The following SYNE2 variants were observed in gnomAD, a reference collection of about 807,000 sequenced individuals.
SYNE2 encodes the protein spectrin repeat containing nuclear envelope protein 2.
In SYNE2, 431 loss-of-function variants were observed where a neutral mutation model predicts 856.3. The ratio of observed to expected loss-of-function variants is 0.50; its 90% CI spans 0.47 to 0.55. SYNE2 has a LOEUF of 0.55. Among genes scored for constraint, SYNE2 ranks in the 20% least tolerant of loss-of-function variants. SYNE2 has a pLI of 0.00. For synonymous variants in SYNE2, 2,923 were observed against 2,872.3 expected, an observed-to-expected ratio of 1.02 and a Z score of -0.56; for missense variants, 8,129 against 8,023.2, an observed-to-expected ratio of 1.01 and a Z score of -0.50.
chr14:64,116,193 AAGGG>A (rs535818668), intron 66 of SYNE2, among the ~76,000 whole-genome samples: 26 of 140,346 alleles, frequency 1.9e-4, no homozygotes, highest in South Asian at 5.4e-4. Context: ...GAAAGGAAAG[AAGGG>A]AGGGAGGGAG....
At chr14:64,072,397 C>A (rs533478230) in intron 52 of SYNE2, among the ~76,000 whole-genome samples, 1 of 152,346 alleles carries the variant, frequency 6.6e-6, no homozygotes, top group East Asian at 1.9e-4. Context: ...CACTATCCAC[C>A]CGGAGACAGC....
intron 1 of SYNE2, among the ~76,000 whole-genome samples, chr14:63,861,334 G>A (rs1446463918): frequency 6.6e-6 from 1 of 151,634 alleles, no homozygotes; most frequent in Non-Finnish European, 1.5e-5. Context: ...TAGTAGAGAC[G>A]GGGTTTCACC....
At chr14:64,224,181 C>CAAAAAAAAAAAAAAAAAAA (rs35804232) in intron 113 of SYNE2, among the ~76,000 whole-genome samples, 1 of 74,748 alleles carries the variant, frequency 1.3e-5, no homozygotes, top group Non-Finnish European at 2.5e-5. Flanking sequence ...CCCGTCTCTG[C>CAAAAAAAAAAAAAAAAAAA]AAAAAAAAAA....
intron 66 of SYNE2, 135 bp from the exon 67 acceptor site, chr14:64,119,292 C>T: frequency 1.7e-6 from 2 of 1,179,280 alleles, no homozygotes; most frequent in Non-Finnish European, 2.4e-6. Context: ...TTTGTTTTTC[C>T]AGGGTTTCTT....
intron 6 of SYNE2, among the ~76,000 whole-genome samples, chr14:63,942,817 G>C (rs962582541): frequency 2.6e-5 from 4 of 152,134 alleles, no homozygotes; most frequent in Non-Finnish European, 4.4e-5. Flanking sequence ...ATTTTGTAGA[G>C]ATGGGGTTTC....
intron 48 of SYNE2, among the ~76,000 whole-genome samples, chr14:64,055,285 A>C (rs912137297): frequency 6.6e-6 from 1 of 152,286 alleles, no homozygotes; most frequent in African/African-American, 2.4e-5. Flanking sequence ...AGAGTTCCAA[A>C]GCAGGAAGAT....
At chr14:63,846,186 C>T (rs1188414336) in intron 1 of SYNE2, among the ~76,000 whole-genome samples, 1 of 151,726 alleles carries the variant, frequency 6.6e-6, no homozygotes, top group South Asian at 2.1e-4. Context: ...GGAGCTGGGA[C>T]CTCAGGCACG....
At chr14:64,021,284 T>C in intron 35 of SYNE2, 31 bp from the exon 36 acceptor site, 1 of 1,552,256 alleles carries the variant, frequency 6.4e-7, no homozygotes, top group Non-Finnish European at 8.9e-7. Flanking sequence ...ATAATGACTG[T>C]TATACAACTT....
chr14:63,802,511 G>A (rs931836671), intron 1 of SYNE2, among the ~76,000 whole-genome samples: 1 of 152,166 alleles, frequency 6.6e-6, no homozygotes, highest in African/African-American at 2.4e-5. Context: ...AATTAGCTAA[G>A]GCTTTGGTTG....
At chr14:64,195,072 C>T (rs1256789431) in intron 99 of SYNE2, among the ~76,000 whole-genome samples, 1 of 152,136 alleles carries the variant, frequency 6.6e-6, no homozygotes, top group Non-Finnish European at 1.5e-5. Context: ...TGGCAGGTTG[C>T]ACATCTTGAT....
chr14:64,151,198 G>T (rs1309447440), intron 84 of SYNE2, among the ~76,000 whole-genome samples: 5 of 151,832 alleles, frequency 3.3e-5, no homozygotes, highest in Non-Finnish European at 7.4e-5. Context: ...GACATTCATT[G>T]GTTTAGAGTT....
chr14:63,782,561 A>G (rs1456006609), intron 1 of SYNE2, among the ~76,000 whole-genome samples: 1 of 152,016 alleles, frequency 6.6e-6, no homozygotes, highest in Non-Finnish European at 1.5e-5. Context: ...ATTCCAGGCA[A>G]TTTGATCATC....
chr14:63,812,021 A>T (rs1595133655), intron 1 of SYNE2, among the ~76,000 whole-genome samples: 1 of 152,306 alleles, frequency 6.6e-6, no homozygotes, highest in South Asian at 2.1e-4. Context: ...CATCTTAAAC[A>T]ACAGAAAACA....
chr14:64,221,215 C>T (rs2098692462), intron 111 of SYNE2, among the ~76,000 whole-genome samples: 1 of 152,164 alleles, frequency 6.6e-6, no homozygotes. Context: ...GAACGTGAGC[C>T]CACCCCAGCC....
At chr14:63,851,152 G>A (rs187481995), upstream of SYNE2, among the ~76,000 whole-genome samples, 58 of 152,210 alleles carry the variant, frequency 3.8e-4, 1 homozygote, top group East Asian at 9.7e-3. Context: ...CACGAGGTCA[G>A]GAGTTCAAGA....
intron 45 of SYNE2, among the ~76,000 whole-genome samples, chr14:64,038,836 A>AGAGAGGGAGAGGGAGACCGTGGG: frequency 6.6e-6 from 1 of 151,756 alleles, no homozygotes; most frequent in African/African-American, 2.4e-5. Context: ...GACCGTGGAA[A>AGAGAGGGAGAGGGAGACCGTGGG]GAGAGGGAGA....
intron 79 of SYNE2, among the ~76,000 whole-genome samples, chr14:64,138,945 TG>T (rs1185299767): frequency 0.044 from 5,814 of 131,198 alleles, 315 homozygotes; most frequent in African/African-American, 0.17. Flanking sequence ...TGTGTATGTA[TG>T]GTGTGTGTGT....
chr14:64,220,367 C>T, intron 110 of SYNE2, 70 bp from the exon 111 acceptor site: 1 of 1,551,678 alleles, frequency 6.4e-7, no homozygotes, highest in Non-Finnish European at 8.9e-7. Context: ...TTGTTCCCTA[C>T]TGAGGTTCAA....
intron 1 of SYNE2, among the ~76,000 whole-genome samples, chr14:63,829,079 A>G (rs78791415): frequency 0.01 from 1,574 of 152,170 alleles, 28 homozygotes; most frequent in African/African-American, 0.036. Context: ...GAACCCTCAT[A>G]TATTGCTGAT....
Sources: allele counts gnomAD v4.1 joint callset (sites outside exome capture counted in the v4.1 genomes callset), GRCh38; gene constraint gnomAD v4.1.1; transcripts MANE v1.5; gene names NCBI Gene and HGNC (gene_info 2026-07-23, HGNC 2026-07-21).